The following PHLPP1 variants were observed in gnomAD, a reference collection of about 807,000 sequenced individuals.
PHLPP1 encodes the protein PH domain and leucine rich repeat protein phosphatase 1.
Under a neutral mutation model 117.2 loss-of-function variants are expected in PHLPP1, and 42 were observed. The ratio of observed to expected loss-of-function variants is 0.36; its 90% CI spans 0.28 to 0.46. The LOEUF is 0.46. Among genes scored for constraint, PHLPP1 ranks in the 20% least tolerant of loss-of-function variants. PHLPP1 has a pLI of 1.00. For synonymous variants in PHLPP1, 1,042 were observed against 970.7 expected, an observed-to-expected ratio of 1.07 and a Z score of -1.37; for missense variants, 2,084 against 2,241.9, an observed-to-expected ratio of 0.93 and a Z score of 1.42.
At chr18:62,922,476 C>T (rs945333524) in intron 10 of PHLPP1, among the ~76,000 whole-genome samples, 11 of 152,142 alleles carry the variant, frequency 7.2e-5, no homozygotes, top group African/African-American at 2.2e-4. Flanking sequence ...GCACAGTGTG[C>T]AGAGACAGAT....
chr18:62,821,512 A>ATAC (rs1914452499), intron 1 of PHLPP1, among the ~76,000 whole-genome samples: 1 of 142,996 alleles, frequency 7.0e-6, no homozygotes, highest in South Asian at 2.4e-4. Flanking sequence ...TCGCATCAGT[A>ATAC]TACTGCAGCC....
chr18:62,879,149 CA>C (rs1156590484), intron 4 of PHLPP1, among the ~76,000 whole-genome samples: 3 of 152,126 alleles, frequency 2.0e-5, no homozygotes, highest in Non-Finnish European at 4.4e-5. Flanking sequence ...ATCCCCCATG[CA>C]ACAGTATTAA....
Position 62,895,096 on chromosome 18 carries a change from G to A in PHLPP1, c.2152G>A (p.Glu718Lys). 3 of 1,613,976 alleles carry A rather than the reference G, an allele frequency of 1.9e-6. No individual in the cohort carries two copies. Among genetic ancestry groups the A allele is most frequent in the South Asian group, 2.2e-5 (2 of 91,078 alleles). Residue 718 changes from glutamate (E) to lysine (K), a missense_variant, in exon 5 of 17, where the codon GAG becomes AAG. Physicochemically the swap from Glu to Lys is moderately conservative, Grantham distance 56. Around this residue, in one of 2 missense-constraint regions of PHLPP1, gnomAD observed 1,365 missense variants for 1,605.9 expected, o/e 0.85. Coordinates refer to ENST00000262719, the MANE Select transcript of PHLPP1 (RefSeq NM_194449.4). ...AGTCTGCAGTATTCCAACCCTGGCA[G>A]AGCTGAACGTGTCCTGCAATGCCCT... ...LAVCSIPTLAELNVSCNALRS... is the reference protein window; with the variant it reads ...LAVCSIPTLAKLNVSCNALRS...
chr18:62,950,466 T>C (rs1568171899), intron 12 of PHLPP1, among the ~76,000 whole-genome samples: 1 of 152,224 alleles, frequency 6.6e-6, no homozygotes, highest in Non-Finnish European at 1.5e-5. Context: ...CAGCAAGCCC[T>C]GTTTGTTGTT....
chr18:62,957,904 C>T (rs1910663844), intron 12 of PHLPP1, among the ~76,000 whole-genome samples: 1 of 152,086 alleles, frequency 6.6e-6, no homozygotes, highest in Non-Finnish European at 1.5e-5. Flanking sequence ...ATGGGGGTTT[C>T]ACTGTGTTGC....
chr18:62,844,836 C>T (rs1037557727), intron 3 of PHLPP1, among the ~76,000 whole-genome samples: 6 of 152,130 alleles, frequency 3.9e-5, no homozygotes, highest in Non-Finnish European at 5.9e-5. Context: ...TTGTGAGCTA[C>T]GCTTTTAACT....
intron 15 of PHLPP1, among the ~76,000 whole-genome samples, chr18:62,973,694 C>A (rs906013000): frequency 5.3e-5 from 8 of 152,150 alleles, no homozygotes; most frequent in Non-Finnish European, 8.8e-5. Flanking sequence ...GCTACACTCA[C>A]CCCTGACTTT....
intron 6 of PHLPP1, among the ~76,000 whole-genome samples, chr18:62,902,501 G>T (rs116869146): frequency 4.6e-5 from 7 of 152,074 alleles, no homozygotes; most frequent in African/African-American, 1.4e-4. Flanking sequence ...CTACTCATCC[G>T]CCTGTTCATG....
chr18:62,914,552 G>C (rs1238385626), intron 8 of PHLPP1, among the ~76,000 whole-genome samples: 1 of 152,116 alleles, frequency 6.6e-6, no homozygotes, highest in Admixed American at 6.6e-5. Context: ...TCCTCCCACT[G>C]TACCCTTTTG....
chr18:62,817,099 A>G (rs2144317216), intron 1 of PHLPP1, among the ~76,000 whole-genome samples: 1 of 152,142 alleles, frequency 6.6e-6, no homozygotes, highest in South Asian at 2.1e-4. Context: ...ACGCCACCAC[A>G]CCCAGCTAAT....
rs749065654 is a variant in PHLPP1, at chr18:62,979,220, C to T, written c.4943C>T (p.Pro1648Leu). 10 of 1,609,372 alleles carry T rather than the reference C, an allele frequency of 6.2e-6. No homozygotes were observed. The highest frequency in any genetic ancestry group is 8.5e-6 in the Non-Finnish European group (10 of 1,177,872). ...EVATDAPLRK[P>L]GGYFAAPAQP... is the part of the protein sequence containing the mutation. ...GCTACAGACGCACCTCTTCGAAAGC[C>T]TGGAGGCTATTTTGCTGCCCCGGCT... Residue 1648 changes from proline (P) to leucine (L), a missense_variant, in exon 17 of 17, where the codon CCT becomes CTT. By Grantham distance (98) the Pro-to-Leu change is moderately conservative. Transcript: ENST00000262719.
intron 14 of PHLPP1, among the ~76,000 whole-genome samples, chr18:62,967,811 C>T (rs890474651): frequency 4.0e-5 from 6 of 150,144 alleles, no homozygotes; most frequent in African/African-American, 9.8e-5. Flanking sequence ...CATTTGGTCA[C>T]GATGTAGTAT....
chr18:62,729,639 C>T (rs901118292), intron 1 of PHLPP1, among the ~76,000 whole-genome samples: 6 of 152,018 alleles, frequency 3.9e-5, no homozygotes, highest in Admixed American at 6.6e-5. Flanking sequence ...CATGCCACTG[C>T]GCTCCAGCCT....
intron 3 of PHLPP1, among the ~76,000 whole-genome samples, chr18:62,853,613 G>A (rs915786985): frequency 6.6e-6 from 1 of 152,004 alleles, no homozygotes. Context: ...CAGGTGATCT[G>A]CCCCCCTCGG....
At chr18:62,794,523 A>G (rs921213780) in intron 1 of PHLPP1, among the ~76,000 whole-genome samples, 5 of 152,216 alleles carry the variant, frequency 3.3e-5, no homozygotes, top group African/African-American at 1.2e-4. Context: ...GCACATCACC[A>G]TGCCCAGCTA....
rs979865518 is a variant in PHLPP1, at chr18:62,880,326, G to T, written c.2067-14685G>T. Among the ~76,000 whole-genome samples the T allele has an allele frequency of 2.3e-4, 35 of 151,878 alleles. 1 individual carries two copies. The highest frequency in any genetic ancestry group is 1.5e-5 in the Non-Finnish European group (1 of 67,996). ...TATTCTCACTGACTTTTGCTTATGC[G>T]CACTTTCTCATTTGTTTGGTAATCC... On this transcript the variant is annotated intron_variant, in intron 4 of 16. Transcript: ENST00000262719.
intron 1 of PHLPP1, among the ~76,000 whole-genome samples, chr18:62,747,588 G>T (rs181690430): frequency 1.3e-3 from 193 of 151,928 alleles, no homozygotes; most frequent in African/African-American, 4.4e-3. Context: ...ACAGTCATGG[G>T]TCACTGCAGC....
At chr18:62,914,013 G>A (rs142042928) in intron 8 of PHLPP1, among the ~76,000 whole-genome samples, 62 of 152,134 alleles carry the variant, frequency 4.1e-4, no homozygotes, top group African/African-American at 1.4e-3. Flanking sequence ...CCAAAGTGCC[G>A]GGATTACAAG....
intron 1 of PHLPP1, among the ~76,000 whole-genome samples, chr18:62,822,168 A>T (rs564119745): frequency 6.6e-6 from 1 of 152,282 alleles, no homozygotes; most frequent in African/African-American, 2.4e-5. Context: ...GAGGAACTCC[A>T]ATATCCCTTT....
Sources: allele counts gnomAD v4.1 joint callset (sites outside exome capture counted in the v4.1 genomes callset), GRCh38; gene constraint gnomAD v4.1.1; regional missense constraint gnomAD v4.1.1; transcripts MANE v1.5; gene names NCBI Gene and HGNC (gene_info 2026-07-23, HGNC 2026-07-21).